TENM2: variants seen among roughly 807,000 people sequenced by gnomAD.
TENM2 encodes the protein teneurin-2.
In TENM2, 52 loss-of-function variants were observed where a neutral mutation model predicts 245.2. The ratio of observed to expected loss-of-function variants is 0.21; its 90% CI spans 0.17 to 0.27. The LOEUF (loss-of-function observed/expected upper bound fraction) is 0.27. TENM2 is among the 10% of genes least tolerant of loss of function. The pLI is 1.00. For synonymous variants in TENM2, 1,363 were observed against 1,438.9 expected, an observed-to-expected ratio of 0.95 and a Z score of 1.19; for missense variants, 3,046 against 3,666.8, an observed-to-expected ratio of 0.83 and a Z score of 4.37.
At chr5:167,424,964 A>G (rs1469634100) in intron 2 of TENM2, among the ~76,000 whole-genome samples, 1 of 152,208 alleles carries the variant, frequency 6.6e-6, no homozygotes, top group Admixed American at 6.5e-5. Context: ...AAGCTGTTTT[A>G]TTATAAGTAT....
At chr5:167,596,677 T>G (rs1776235197) in intron 2 of TENM2, among the ~76,000 whole-genome samples, 1 of 151,244 alleles carries the variant, frequency 6.6e-6, no homozygotes, top group Non-Finnish European at 1.5e-5. Flanking sequence ...GCGCCTGTAG[T>G]CCCAGCTACT....
intron 2 of TENM2, among the ~76,000 whole-genome samples, chr5:167,869,030 C>A (rs181421749): frequency 6.6e-6 from 1 of 152,282 alleles, no homozygotes; most frequent in Admixed American, 6.5e-5. Context: ...GAGAGGTGAA[C>A]TGAGTTGCTC....
chr5:168,007,506 T>G (rs1004914116), intron 5 of TENM2, among the ~76,000 whole-genome samples: 9 of 152,154 alleles, frequency 5.9e-5, no homozygotes, highest in Non-Finnish European at 1.2e-4. Context: ...CCCTGCACCT[T>G]GGCGACCAAG....
intron 7 of TENM2, among the ~76,000 whole-genome samples, chr5:168,071,354 A>G (rs954289258): frequency 3.3e-5 from 5 of 152,244 alleles, no homozygotes; most frequent in African/African-American, 1.2e-4. Flanking sequence ...TTTTTTAAAG[A>G]TAACTTTTAT....
chr5:167,440,164 A>G (rs1314471931), intron 2 of TENM2, among the ~76,000 whole-genome samples: 1 of 152,222 alleles, frequency 6.6e-6, no homozygotes, highest in Non-Finnish European at 1.5e-5. Flanking sequence ...TATAGATAAT[A>G]GGGTCATATT....
chr5:167,373,183 G>A (rs1760543098), intron 1 of TENM2, among the ~76,000 whole-genome samples: 1 of 152,192 alleles, frequency 6.6e-6, no homozygotes, highest in African/African-American at 2.4e-5. Context: ...ACCAAATTAG[G>A]CTGGGAAAGC....
Position 168,047,416 on chromosome 5 carries a change from C to A in TENM2, c.1187-11C>A, listed in dbSNP as rs1177531635. On this transcript the variant is annotated splice_polypyrimidine_tract_variant and intron_variant, in intron 5 of 28. Coordinates refer to ENST00000518659, the Ensembl canonical transcript of TENM2. ...TCTATTCATATTTTCATTACTTTGT[C>A]TCTCCTGCAGCAATGCATCTGCTCG... 6.4e-7 allele frequency: 1 copy of A among 1,551,658 alleles called. No homozygotes were observed. The highest frequency in any genetic ancestry group is 1.2e-5 in the South Asian group (1 of 84,054).
chr5:168,054,825 TC>T (rs1789404346), intron 6 of TENM2, among the ~76,000 whole-genome samples: 1 of 152,214 alleles, frequency 6.6e-6, no homozygotes, highest in African/African-American at 2.4e-5. Context: ...AGTTGGACTA[TC>T]CTGTAAAATT....
the TENM2 span, among the ~76,000 whole-genome samples, chr5:167,161,483 A>G: frequency 6.6e-6 from 1 of 152,252 alleles, no homozygotes; most frequent in Admixed American, 6.5e-5. Context: ...GAAGTTAAAG[A>G]AAGTTAAACA....
At chr5:167,051,176 G>A in the TENM2 span, among the ~76,000 whole-genome samples, 8 of 151,324 alleles carry the variant, frequency 5.3e-5, no homozygotes, top group African/African-American at 1.9e-4. Flanking sequence ...GCTAAATTGG[G>A]ACTGTTTTTC....
chr5:167,033,293 A>G, the TENM2 span, among the ~76,000 whole-genome samples: 2 of 152,244 alleles, frequency 1.3e-5, no homozygotes, highest in Admixed American at 6.5e-5. Flanking sequence ...ATTCACATCA[A>G]TAAAACTGAA....
chr5:167,452,730 A>G (rs1161967365), intron 2 of TENM2, among the ~76,000 whole-genome samples: 4 of 151,252 alleles, frequency 2.6e-5, no homozygotes, highest in African/African-American at 4.9e-5. Flanking sequence ...GAATTGAACA[A>G]TGAGACCACT....
At chr5:167,873,159 G>A (rs534628894) in intron 2 of TENM2, among the ~76,000 whole-genome samples, 32 of 152,366 alleles carry the variant, frequency 2.1e-4, no homozygotes, top group African/African-American at 7.0e-4. Context: ...AGAAGGCAGA[G>A]GGTAACACTG....
chr5:167,833,095 A>G (rs1175219789), intron 2 of TENM2, among the ~76,000 whole-genome samples: 1 of 152,150 alleles, frequency 6.6e-6, no homozygotes, highest in Non-Finnish European at 1.5e-5. Flanking sequence ...AGGTATGTGA[A>G]GCCATTATGT....
At chr5:167,289,346 C>T (rs1055615583) in intron 1 of TENM2, among the ~76,000 whole-genome samples, 1 of 152,300 alleles carries the variant, frequency 6.6e-6, no homozygotes. Flanking sequence ...AGCCAGCCCT[C>T]TTATTCCTCA....
chr5:168,064,906 A>G (rs1790363132), intron 7 of TENM2, among the ~76,000 whole-genome samples: 1 of 152,242 alleles, frequency 6.6e-6, no homozygotes, highest in Non-Finnish European at 1.5e-5. Context: ...GTATTCTCAC[A>G]TTCATTCGCT....
chr5:167,764,057 G>A (rs971882486), intron 2 of TENM2, among the ~76,000 whole-genome samples: 2 of 151,978 alleles, frequency 1.3e-5, no homozygotes, highest in Non-Finnish European at 2.9e-5. Context: ...GCTTCTTAGC[G>A]TAGGCATCTC....
chr5:168,002,033 A>G (rs1784447873), intron 5 of TENM2, among the ~76,000 whole-genome samples: 2 of 152,374 alleles, frequency 1.3e-5, no homozygotes, highest in South Asian at 4.1e-4. Context: ...TAAAGAAAAT[A>G]TTATCCTCCC....
chr5:167,779,058 T>C lies in TENM2; in HGVS notation c.503-96928T>C, dbSNP rs150232914. Among the ~76,000 whole-genome samples the C allele has an allele frequency of 5.7e-4, 87 of 152,326 alleles. No homozygotes were observed. In the East Asian group the frequency reaches 0.01, roughly 18 times the overall value. On this transcript the variant is annotated intron_variant, in intron 2 of 28. Coordinates refer to ENST00000518659, the Ensembl canonical transcript of TENM2. The stretch of plus-strand genomic sequence containing the variant: ...GTGGTACAGAACATCATGATGGCAA[T>C]GAGGTGGAAGGAAGAAACTTTTCAT...
Sources: gnomAD v4.1 joint callset for allele counts (sites outside exome capture counted in the v4.1 genomes callset) on GRCh38, gnomAD v4.1.1 for gene constraint, MANE v1.5 for transcripts, NCBI Gene and HGNC (gene_info 2026-07-23, HGNC 2026-07-21) for gene names.